KCNIP4: variants seen among roughly 807,000 people sequenced by gnomAD.
KCNIP4 encodes Kv channel-interacting protein 4.
Under a neutral mutation model 34.0 loss-of-function variants are expected in KCNIP4, and 12 were observed. That is an observed-to-expected ratio of 0.35 (90% confidence interval 0.23 to 0.57). The LOEUF is 0.57. Among genes scored for constraint, KCNIP4 ranks in the 20% least tolerant of loss-of-function variants. The pLI is 0.83. For synonymous variants in KCNIP4, 124 were observed against 102.2 expected (o/e 1.21, Z -1.29); for missense variants, 238 against 311.7 (o/e 0.76, Z 1.78).
rs189914224 is a variant in KCNIP4, at chr4:20,892,566, A to C, written c.62-9857T>G. Among the ~76,000 whole-genome samples, 75 of 151,860 alleles carry C rather than the reference A, an allele frequency of 4.9e-4. No homozygotes were observed. In the East Asian group the frequency reaches 0.012, roughly 24 times the overall value. ...CTTTTTCTGCTCTGTTTCTGTCTCT[A>C]CCCCGACTCAGTCTCTCTCTCAATC... On this transcript the variant is annotated intron_variant, in intron 1 of 8. Coordinates refer to ENST00000382152, the MANE Select transcript of KCNIP4 (RefSeq NM_025221.6).
chr4:20,966,128 A>C (rs1734320262), intron 1 of KCNIP4, among the ~76,000 whole-genome samples: 1 of 152,196 alleles, frequency 6.6e-6, no homozygotes, highest in Non-Finnish European at 1.5e-5. Flanking sequence ...AATATTGGGA[A>C]GATAGATGTA....
At chr4:20,806,751 T>C (rs1322186960) in intron 3 of KCNIP4, among the ~76,000 whole-genome samples, 1 of 152,064 alleles carries the variant, frequency 6.6e-6, no homozygotes, top group Non-Finnish European at 1.5e-5. Context: ...ATATTAAATA[T>C]CTGTAAAAAG....
chr4:21,277,919 A>C (rs1394321171), intron 1 of KCNIP4, among the ~76,000 whole-genome samples: 1 of 152,214 alleles, frequency 6.6e-6, no homozygotes, highest in Non-Finnish European at 1.5e-5. Context: ...AGACAGAAAA[A>C]ATAAAATAGG....
At chr4:21,811,803 C>G (rs370687673) in intron 1 of KCNIP4, among the ~76,000 whole-genome samples, 1 of 152,112 alleles carries the variant, frequency 6.6e-6, no homozygotes, top group East Asian at 1.9e-4. Context: ...TTAAACTAGG[C>G]CCATGAAAGA....
chr4:21,028,974 GCATGAGTGGCTAAC>G (rs1188669563), intron 1 of KCNIP4, among the ~76,000 whole-genome samples: 3 of 152,114 alleles, frequency 2.0e-5, no homozygotes, highest in African/African-American at 7.2e-5. Context: ...CTTGTGTGGA[GCATGAGTGGCTAAC>G]CACTGAATTA....
intron 1 of KCNIP4, among the ~76,000 whole-genome samples, chr4:21,271,800 GA>G (rs761762775): frequency 6.6e-5 from 10 of 152,160 alleles, no homozygotes; most frequent in Non-Finnish European, 8.8e-5. Flanking sequence ...GTTGAAACAG[GA>G]AAGGAAAGTA....
rs116023603 is a variant in KCNIP4 at position 21,367,215 on chromosome 4, G to T, written c.62-484506C>A. On this transcript the variant is annotated intron_variant, in intron 1 of 8. Coordinates refer to ENST00000382152, the MANE Select transcript of KCNIP4 (RefSeq NM_025221.6). The stretch of plus-strand genomic sequence containing the variant: ...TTGTTTACAAATTACCCAGTCTCAG[G>T]TTTTTTTTGTTGTAGCAGCATGAAT... Among the ~76,000 whole-genome samples the T allele has an allele frequency of 8.5e-3, 1,289 of 151,948 alleles. 32 individuals are homozygous for T. Among genetic ancestry groups the T allele is most frequent in the African/African-American group, 0.029 (1,216 of 41,424 alleles).
chr4:21,400,529 T>TCCCCTCCCCTCCCCTCC (rs1723439816), intron 1 of KCNIP4, among the ~76,000 whole-genome samples: 2 of 56,728 alleles, frequency 3.5e-5, no homozygotes, highest in African/African-American at 1.7e-4. Flanking sequence ...TCTTCTCTTC[T>TCCCCTCCCCTCCCCTCC]CTTCTCTTCT....
intron 1 of KCNIP4, among the ~76,000 whole-genome samples, chr4:21,932,739 C>T (rs1729640895): frequency 6.6e-6 from 1 of 151,968 alleles, no homozygotes. Flanking sequence ...CTGGTGTGAT[C>T]ATCACTGGGT....
At chr4:21,312,798 C>A (rs1713328782) in intron 1 of KCNIP4, among the ~76,000 whole-genome samples, 1 of 152,212 alleles carries the variant, frequency 6.6e-6, no homozygotes, top group South Asian at 2.1e-4. Context: ...TGATCCCACA[C>A]TTTTCTGCAT....
At chr4:21,369,956 T>C (rs566817466) in intron 1 of KCNIP4, among the ~76,000 whole-genome samples, 1 of 146,324 alleles carries the variant, frequency 6.8e-6, no homozygotes, top group South Asian at 2.1e-4. Context: ...GCCTCCCGAG[T>C]AGCTGGGACT....
rs144976712 is a variant in KCNIP4 at position 21,782,772 on chromosome 4, A to C, written c.61+165799T>G. Among the ~76,000 whole-genome samples, 388 of 152,278 alleles carry C rather than the reference A, an allele frequency of 2.5e-3. 1 individual carries two copies. The highest frequency in any genetic ancestry group is 8.9e-3 in the African/African-American group (369 of 41,558). On this transcript the variant is annotated intron_variant, in intron 1 of 8. Transcript: ENST00000382152. ...GCCAAAAGACTTGGAAACGGCCAAAATGTCCTATAGGTGAACAGTTAAACA... is the reference window on the plus strand; with the variant it reads ...GCCAAAAGACTTGGAAACGGCCAAACTGTCCTATAGGTGAACAGTTAAACA...
intron 1 of KCNIP4, among the ~76,000 whole-genome samples, chr4:21,393,515 T>C (rs557448407): frequency 3.9e-4 from 60 of 152,258 alleles, no homozygotes; most frequent in African/African-American, 1.3e-3. Context: ...AAGTCCCTTG[T>C]TGGATGAGCC....
chr4:21,108,024 G>A (rs79764132), intron 1 of KCNIP4, among the ~76,000 whole-genome samples: 6,562 of 150,990 alleles, frequency 0.043, 220 homozygotes, highest in East Asian at 0.13. Context: ...CTCTCTGGCT[G>A]CCCTTAACAT....
At chr4:20,893,491 T>C (rs1560548454) in intron 1 of KCNIP4, among the ~76,000 whole-genome samples, 1 of 152,130 alleles carries the variant, frequency 6.6e-6, no homozygotes, top group Non-Finnish European at 1.5e-5. Flanking sequence ...AGCTTGATCA[T>C]GGCTCACTGC....
At chr4:21,918,242 T>C (rs575059367) in intron 1 of KCNIP4, among the ~76,000 whole-genome samples, 2 of 152,270 alleles carry the variant, frequency 1.3e-5, no homozygotes, top group South Asian at 4.1e-4. Context: ...AACATAACTG[T>C]GATAAAAACA....
intron 1 of KCNIP4, among the ~76,000 whole-genome samples, chr4:21,499,345 AAC>A (rs1491577914): frequency 2.0e-5 from 3 of 151,662 alleles, no homozygotes; most frequent in Non-Finnish European, 2.9e-5. Flanking sequence ...AAAAAAAAAA[AAC>A]AACTACATAA....
At chr4:20,757,771 T>TA (rs1754605151) in intron 4 of KCNIP4, among the ~76,000 whole-genome samples, 3 of 152,082 alleles carry the variant, frequency 2.0e-5, no homozygotes, top group African/African-American at 7.2e-5. Flanking sequence ...TGTGTATCTT[T>TA]AAAAAAATGA....
At chr4:21,128,198 G>A (rs79595756) in intron 1 of KCNIP4, among the ~76,000 whole-genome samples, 1 of 152,172 alleles carries the variant, frequency 6.6e-6, no homozygotes, top group Admixed American at 6.5e-5. Flanking sequence ...AAGTACAACA[G>A]CTTTCATAGA....
Sources: allele counts gnomAD v4.1 joint callset (sites outside exome capture counted in the v4.1 genomes callset), GRCh38; gene constraint gnomAD v4.1.1; transcripts MANE v1.5; gene names NCBI Gene and HGNC (gene_info 2026-07-23, HGNC 2026-07-21).